The following GRM8 variants were observed in gnomAD, a reference collection of about 807,000 sequenced individuals.
GRM8 encodes the protein metabotropic glutamate receptor 8.
In GRM8, 47 loss-of-function variants were observed where a neutral mutation model predicts 87.2. The observed-to-expected ratio is 0.54, with a 90% CI of 0.43 to 0.69. GRM8 has a LOEUF of 0.69. Among genes scored for constraint, GRM8 ranks in the 30% least tolerant of loss-of-function variants. The pLI is 0.00. For missense variants in GRM8, 1,019 were observed against 1,139.2 expected, an observed-to-expected ratio of 0.89 and a Z score of 1.52; for synonymous variants, 396 against 404.5, an observed-to-expected ratio of 0.98 and a Z score of 0.25.
chr7:127,225,169 C>T (rs1050240305), intron 2 of GRM8, among the ~76,000 whole-genome samples: 6 of 152,004 alleles, frequency 3.9e-5, no homozygotes, highest in Admixed American at 6.5e-5. Context: ...TAAAACTAGA[C>T]CCTTTTCACA....
At chr7:126,859,631 T>C (rs904272723) in intron 6 of GRM8, among the ~76,000 whole-genome samples, 11 of 152,130 alleles carry the variant, frequency 7.2e-5, no homozygotes, top group African/African-American at 2.7e-4. Flanking sequence ...ACTTTGAGAG[T>C]CTGATGCAAG....
intron 2 of GRM8, among the ~76,000 whole-genome samples, chr7:127,210,284 C>A (rs927665297): frequency 6.6e-6 from 1 of 152,198 alleles, no homozygotes; most frequent in African/African-American, 2.4e-5. Flanking sequence ...TAGGTCCACA[C>A]CACACCAGTA....
intron 8 of GRM8, among the ~76,000 whole-genome samples, chr7:126,603,477 C>A (rs1798028754): frequency 6.6e-6 from 1 of 151,522 alleles, no homozygotes; most frequent in African/African-American, 2.4e-5. Flanking sequence ...GATTGTATAT[C>A]TAGAAAACCC....
chr7:126,946,328 C>A (rs1489139162), intron 3 of GRM8, among the ~76,000 whole-genome samples: 1 of 152,028 alleles, frequency 6.6e-6, no homozygotes, highest in Non-Finnish European at 1.5e-5. Context: ...ATAGTGAGAC[C>A]CCCCCATCTC....
At chr7:126,998,959 G>T (rs371860400) in intron 3 of GRM8, among the ~76,000 whole-genome samples, 26 of 151,818 alleles carry the variant, frequency 1.7e-4, no homozygotes, top group African/African-American at 6.3e-4. Context: ...AAGATATCCT[G>T]AGCAAAAAGA....
intron 6 of GRM8, among the ~76,000 whole-genome samples, chr7:126,897,109 G>T (rs1278350190): frequency 1.3e-5 from 2 of 152,136 alleles, no homozygotes; most frequent in African/African-American, 4.8e-5. Flanking sequence ...TCAGTCAAGG[G>T]ATGTCGTTTT....
chr7:126,973,865 C>T (rs978944720), intron 3 of GRM8, among the ~76,000 whole-genome samples: 5 of 152,086 alleles, frequency 3.3e-5, no homozygotes, highest in Admixed American at 6.6e-5. Flanking sequence ...GTCAACTATA[C>T]AGAGAGAGTA....
intron 7 of GRM8, among the ~76,000 whole-genome samples, chr7:126,705,967 A>G (rs2151413262): frequency 6.6e-6 from 1 of 152,290 alleles, no homozygotes; most frequent in Non-Finnish European, 1.5e-5. Flanking sequence ...AAGAAGACCC[A>G]AGTAATCATT....
At chr7:126,509,755 C>T (rs1280144974) in intron 9 of GRM8, among the ~76,000 whole-genome samples, 2 of 152,100 alleles carry the variant, frequency 1.3e-5, no homozygotes, top group East Asian at 1.9e-4. Context: ...CACAGTTCAT[C>T]ATGATACCTA....
chr7:127,172,363 T>C (rs1253826805), intron 2 of GRM8, among the ~76,000 whole-genome samples: 1 of 152,170 alleles, frequency 6.6e-6, no homozygotes, highest in Admixed American at 6.5e-5. Context: ...TTTTTATGTT[T>C]CTTTACTTTT....
intron 7 of GRM8, among the ~76,000 whole-genome samples, chr7:126,754,101 G>A (rs1436944868): frequency 1.3e-5 from 2 of 151,698 alleles, no homozygotes; most frequent in African/African-American, 2.4e-5. Flanking sequence ...GGCTAATCAG[G>A]TATTATTATT....
At chr7:126,576,343 T>A (rs563266245) in intron 8 of GRM8, among the ~76,000 whole-genome samples, 1 of 152,194 alleles carries the variant, frequency 6.6e-6, no homozygotes, top group African/African-American at 2.4e-5. Context: ...AGTGCAGCGA[T>A]GTGATCTCCA....
intron 6 of GRM8, among the ~76,000 whole-genome samples, chr7:126,878,989 C>A (rs1182035103): frequency 4.6e-5 from 7 of 151,866 alleles, no homozygotes; most frequent in Non-Finnish European, 8.8e-5. Flanking sequence ...ATGGGGAAAC[C>A]CCGTCTCTAC....
At position 126,561,632 on chromosome 7, in the gene GRM8, A is replaced by G. The variant is rs147799238; in HGVS notation, c.1495-27745T>C. ...TTATTTTTTTATTATTTATTTATTT[A>G]ATTATTATTATACTTTAAGTTTTAG... On this transcript the variant is annotated intron_variant, in intron 8 of 10. Coordinates refer to ENST00000339582, the MANE Select transcript of GRM8 (RefSeq NM_000845.3). Among the ~76,000 whole-genome samples, 288 of 151,612 alleles carry G rather than the reference A, an allele frequency of 1.9e-3. 1 individual carries two copies. Among genetic ancestry groups the G allele is most frequent in the African/African-American group, 6.2e-3 (257 of 41,420 alleles).
chr7:126,706,247 T>G, intron 7 of GRM8, among the ~76,000 whole-genome samples: 1 of 152,128 alleles, frequency 6.6e-6, no homozygotes, highest in Non-Finnish European at 1.5e-5. Context: ...CAATTCCTTA[T>G]AATAAATACA....
intron 8 of GRM8, among the ~76,000 whole-genome samples, chr7:126,601,246 A>C (rs2151074321): frequency 6.6e-6 from 1 of 152,098 alleles, no homozygotes; most frequent in South Asian, 2.1e-4. Flanking sequence ...CCATGTCCCT[A>C]CAAACGACAT....
chr7:127,047,753 A>C (rs7807710), intron 3 of GRM8, among the ~76,000 whole-genome samples: 152,295 of 152,298 alleles, frequency 1, 76,146 homozygotes, highest in Middle Eastern at 1. Context: ...ATCACATGAG[A>C]ACCAGAGGTT....
At chr7:126,926,008 G>A (rs1345907837) in intron 3 of GRM8, among the ~76,000 whole-genome samples, 1 of 152,074 alleles carries the variant, frequency 6.6e-6, no homozygotes, top group African/African-American at 2.4e-5. Flanking sequence ...GTGCCAAATT[G>A]TTTTCCAAAA....
chr7:126,933,597 A>G (rs1805984335), intron 3 of GRM8, among the ~76,000 whole-genome samples: 1 of 152,224 alleles, frequency 6.6e-6, no homozygotes, highest in Non-Finnish European at 1.5e-5. Context: ...CTGATAATGT[A>G]GGAGGACAGT....
Sources: gnomAD v4.1 joint callset for allele counts (sites outside exome capture counted in the v4.1 genomes callset) on GRCh38, gnomAD v4.1.1 for gene constraint, MANE v1.5 for transcripts, NCBI Gene and HGNC (gene_info 2026-07-23, HGNC 2026-07-21) for gene names.